The following NAV3 variants were observed in gnomAD, a reference collection of about 807,000 sequenced individuals.
NAV3 encodes the protein pore membrane and/or filament interacting like protein 1.
In NAV3, 87 loss-of-function variants were observed where a neutral mutation model predicts 244.7. The ratio of observed to expected loss-of-function variants is 0.36; its 90% confidence interval spans 0.30 to 0.42. The LOEUF is 0.42. Among genes scored for constraint, NAV3 ranks in the 20% least tolerant of loss-of-function variants. The probability of loss-of-function intolerance (pLI) is 1.00; values close to 1 mark genes in which losing one functional copy is unlikely to be tolerated. For missense variants in NAV3, 2,663 were observed against 2,893.3 expected (o/e 0.92, Z 1.83); for synonymous variants, 1,126 against 1,042.2 (o/e 1.08, Z -1.55).
Position 78,212,834 on chromosome 12 carries a change from T to A in NAV3, c.*2317T>A, listed in dbSNP as rs987500625. ...ATCATCTGAAAAGTTTTGTAGTCTT[T>A]GTAAAGCCCCAACAATAAGTACTTG... On this transcript the variant is annotated 3_prime_UTR_variant, in exon 40 of 40. Coordinates refer to ENST00000397909, the MANE Select transcript of NAV3 (RefSeq NM_001024383.2). 6.6e-6 allele frequency: 1 copy of A among 152,646 alleles called. No individual in the cohort carries two copies. The highest frequency in any genetic ancestry group is 1.5e-5 in the Non-Finnish European group (1 of 68,026). 9.5% of individuals were successfully genotyped at this position (152,646 alleles called of 1,614,324 possible).
intron 2 of NAV3, among the ~76,000 whole-genome samples, chr12:77,659,495 C>G (rs1303942007): frequency 2.0e-5 from 3 of 152,142 alleles, no homozygotes; most frequent in Non-Finnish European, 4.4e-5. Flanking sequence ...AATAGGAACA[C>G]TTTTACACTG....
At chr12:77,910,436 C>T (rs1886466998) in intron 1 of NAV3, among the ~76,000 whole-genome samples, 1 of 152,100 alleles carries the variant, frequency 6.6e-6, no homozygotes. Context: ...GTCCCCGTGA[C>T]CCAAACACTT....
intron 9 of NAV3, among the ~76,000 whole-genome samples, chr12:78,030,924 G>T (rs1414168987): frequency 6.6e-6 from 1 of 151,940 alleles, no homozygotes; most frequent in African/African-American, 2.4e-5. Flanking sequence ...TGTAAAATTG[G>T]GCATTTCTCC....
chr12:78,144,845 G>T (rs1294516351), intron 20 of NAV3, among the ~76,000 whole-genome samples: 2 of 137,272 alleles, frequency 1.5e-5, no homozygotes, highest in Non-Finnish European at 3.0e-5. Context: ...AAAGTAGGCC[G>T]GGCACGGTGG....
intron 12 of NAV3, among the ~76,000 whole-genome samples, chr12:78,064,426 T>TGCCTGCCTGC (rs1555273019): frequency 1.5e-4 from 21 of 136,290 alleles, no homozygotes; most frequent in East Asian, 8.8e-4. Flanking sequence ...TGTCTGTCTG[T>TGCCTGCCTGC]CTGCCTGCCT....
chr12:77,580,858 G>C (rs1869331113), intron 2 of NAV3, among the ~76,000 whole-genome samples: 1 of 152,184 alleles, frequency 6.6e-6, no homozygotes, highest in Admixed American at 6.5e-5. Flanking sequence ...GATGTTCACT[G>C]TAAAATTCTT....
At chr12:77,704,121 C>T (rs1246609485) in intron 2 of NAV3, among the ~76,000 whole-genome samples, 1 of 152,166 alleles carries the variant, frequency 6.6e-6, no homozygotes, top group Non-Finnish European at 1.5e-5. Context: ...GCTGAGGAGC[C>T]TAAGGCCTTT....
intron 18 of NAV3, among the ~76,000 whole-genome samples, 172 bp from the exon 19 acceptor site, chr12:78,137,005 C>T (rs943554783): frequency 2.6e-5 from 4 of 151,976 alleles, no homozygotes; most frequent in Non-Finnish European, 5.9e-5. Context: ...AAAAGAGGGA[C>T]GCAATGGGAT....
chr12:77,894,338 A>G (rs1053332566), intron 1 of NAV3, among the ~76,000 whole-genome samples: 2 of 152,236 alleles, frequency 1.3e-5, no homozygotes, highest in Non-Finnish European at 2.9e-5. Flanking sequence ...ATCTGTTATT[A>G]TAGTCTTTAA....
chr12:78,138,877 A>G (rs1042927374), intron 19 of NAV3, among the ~76,000 whole-genome samples: 9 of 152,142 alleles, frequency 5.9e-5, no homozygotes, highest in African/African-American at 2.2e-4. Context: ...TCTAGTTCTT[A>G]AATGGCGATC....
chr12:78,164,590 T>A (rs1407551421), intron 23 of NAV3, among the ~76,000 whole-genome samples: 5 of 152,100 alleles, frequency 3.3e-5, no homozygotes, highest in South Asian at 2.1e-4. Flanking sequence ...CTTTGGGGCA[T>A]AGAATAATGT....
In NAV3 at chr12:78,177,239, G is replaced by A. The variant is rs762163689; in HGVS notation, c.5223G>A (p.Pro1741=). ...DIEELTDSSL[P]ASPKLPHNAG... is the part of the protein sequence containing the mutation. ...AAGAGCTTACTGATTCATCCCTTCCGGCATCCCCCAAGTTACCCCATAATG... is the reference window on the plus strand; with the variant it reads ...AAGAGCTTACTGATTCATCCCTTCCAGCATCCCCCAAGTTACCCCATAATG... The change falls in exon 27 of 40, where the codon CCG becomes CCA. Residue 1741 remains proline, a synonymous_variant. Coordinates refer to ENST00000397909, the MANE Select transcript of NAV3 (RefSeq NM_001024383.2). 2.0e-5 allele frequency: 32 copies of A among 1,613,272 alleles called. No homozygotes were observed. Among genetic ancestry groups the A allele is most frequent in the African/African-American group, 2.7e-5 (2 of 74,820 alleles).
intron 1 of NAV3, among the ~76,000 whole-genome samples, chr12:77,846,794 T>C (rs1214514153): frequency 6.6e-6 from 1 of 152,210 alleles, no homozygotes; most frequent in Non-Finnish European, 1.5e-5. Context: ...TCAGAGGTTT[T>C]ATTCAAAGGA....
rs1889635117 is a variant in NAV3 at position 77,939,290 on chromosome 12, A to G, written c.244-1029A>G. 2.0e-5 allele frequency among the ~76,000 whole-genome samples: 3 copies of G among 152,044 alleles called. No individual in the cohort carries two copies. In the South Asian group the frequency reaches 6.2e-4, roughly 31 times the overall value. ...GATTTCTTTGCCTGTCGGCTTTTCT[A>G]TATGTTATACCCACTGCAAGGAAGG... On this transcript the variant is annotated intron_variant, in intron 1 of 39. Coordinates refer to ENST00000397909, the MANE Select transcript of NAV3 (RefSeq NM_001024383.2).
In NAV3 at chr12:78,119,362, A is replaced by G; in HGVS notation, c.3166A>G (p.Ile1056Val). Residue 1056 changes from isoleucine (I) to valine (V), a missense_variant, in exon 15 of 40, where the codon ATT becomes GTT. Physicochemically the swap from Ile to Val is conservative, Grantham distance 29 (BLOSUM62 3). This residue lies in a region of NAV3 where 1,521 missense variants were observed against 1,497.0 expected (regional missense o/e 1.02). Coordinates refer to ENST00000397909, the MANE Select transcript of NAV3 (RefSeq NM_001024383.2). ...GDEGKKPPSGIGRSTATSSFG... is the reference protein window; with the variant it reads ...GDEGKKPPSGVGRSTATSSFG... ...TGAAGGGAAAAAGCCCCCCTCAGGCATTGGAAGATCGACTGCCACCAGCTC... is the reference window on the plus strand; with the variant it reads ...TGAAGGGAAAAAGCCCCCCTCAGGCGTTGGAAGATCGACTGCCACCAGCTC... 1.2e-6 allele frequency: 2 copies of G among 1,614,196 alleles called. No homozygotes were observed. The highest frequency in any genetic ancestry group is 1.7e-6 in the Non-Finnish European group (2 of 1,180,032).
At chr12:77,965,612 C>T (rs966230175) in intron 3 of NAV3, among the ~76,000 whole-genome samples, 10 of 152,198 alleles carry the variant, frequency 6.6e-5, no homozygotes, top group African/African-American at 2.4e-4. Context: ...GAGCAACATT[C>T]TGTCTCAAAA....
intron 6 of NAV3, among the ~76,000 whole-genome samples, chr12:77,996,799 A>C: frequency 6.6e-6 from 1 of 152,330 alleles, no homozygotes; most frequent in East Asian, 1.9e-4. Flanking sequence ...GATGATTATA[A>C]AAAATAGTGC....
intron 2 of NAV3, among the ~76,000 whole-genome samples, chr12:77,603,906 C>T (rs544472476): frequency 6.6e-6 from 1 of 151,986 alleles, no homozygotes; most frequent in African/African-American, 2.4e-5. Flanking sequence ...TGACGAAGTC[C>T]TCATACAAAA....
At chr12:77,856,228 T>C (rs1878376607) in intron 1 of NAV3, among the ~76,000 whole-genome samples, 1 of 152,226 alleles carries the variant, frequency 6.6e-6, no homozygotes, top group Non-Finnish European at 1.5e-5. Flanking sequence ...AAGTAGGACT[T>C]GCAGCTCTTG....
Sources: gnomAD v4.1 joint callset for allele counts (sites outside exome capture counted in the v4.1 genomes callset) on GRCh38, gnomAD v4.1.1 for gene constraint, gnomAD v4.1.1 regional missense constraint, MANE v1.5 for transcripts, NCBI Gene and HGNC (gene_info 2026-07-23, HGNC 2026-07-21) for gene names.